Variants in MGMT observed in about 807,000 individuals in gnomAD.
MGMT encodes methylated-DNA--protein-cysteine methyltransferase.
MGMT carries 14 observed loss-of-function variants against 15.9 expected under a neutral mutation model. The ratio of observed to expected loss-of-function variants is 0.88; its 90% CI spans 0.58 to 1.37. The LOEUF (loss-of-function observed/expected upper bound fraction) is 1.37. Among genes scored for constraint, MGMT ranks in the 40% most tolerant of loss-of-function variants. MGMT has a pLI of 0.00. For synonymous variants in MGMT, 130 were observed against 118.2 expected (o/e 1.10, Z -0.65); for missense variants, 282 against 268.1 (o/e 1.05, Z -0.36).
At chr10:129,610,760 T>C (rs1038522011) in intron 2 of MGMT, among the ~76,000 whole-genome samples, 1 of 152,234 alleles carries the variant, frequency 6.6e-6, no homozygotes, top group Non-Finnish European at 1.5e-5. Flanking sequence ...AATATCTGGC[T>C]CATTAGGCAA....
chr10:129,562,238 G>T (rs1846289097), intron 2 of MGMT, among the ~76,000 whole-genome samples: 2 of 152,314 alleles, frequency 1.3e-5, no homozygotes, highest in Non-Finnish European at 2.9e-5. Context: ...TAAGCATCTT[G>T]TGAGTCTCTT....
At chr10:129,563,146 G>A (rs960493316) in intron 2 of MGMT, among the ~76,000 whole-genome samples, 57 of 152,216 alleles carry the variant, frequency 3.7e-4, no homozygotes, top group Non-Finnish European at 2.9e-5. Context: ...TATTGAATGT[G>A]TTTTCAGGGT....
chr10:129,611,788 G>A (rs868024976), intron 2 of MGMT, among the ~76,000 whole-genome samples: 4 of 152,204 alleles, frequency 2.6e-5, no homozygotes, highest in Admixed American at 2.0e-4. Flanking sequence ...CGAGAGCAGC[G>A]GTGAAGTATG....
chr10:129,496,396 G>C (rs1845521806), intron 1 of MGMT, among the ~76,000 whole-genome samples: 1 of 152,134 alleles, frequency 6.6e-6, no homozygotes, highest in South Asian at 2.1e-4. Context: ...CAAGCAGAGA[G>C]ACTACTTTTA....
intron 2 of MGMT, among the ~76,000 whole-genome samples, chr10:129,622,585 C>A (rs965337355): frequency 2.0e-5 from 3 of 152,212 alleles, no homozygotes; most frequent in Non-Finnish European, 4.4e-5. Flanking sequence ...CAGCAGACTT[C>A]AGTTATCAAT....
intron 2 of MGMT, among the ~76,000 whole-genome samples, chr10:129,575,724 C>CA (rs1454116845): frequency 6.6e-6 from 1 of 151,380 alleles, no homozygotes. Context: ...AAAAACCCTT[C>CA]AAAAAATCAA....
chr10:129,475,863 C>G (rs556189227), intron 1 of MGMT, among the ~76,000 whole-genome samples: 2 of 152,254 alleles, frequency 1.3e-5, no homozygotes, highest in Non-Finnish European at 2.9e-5. Flanking sequence ...GTTATCTACC[C>G]TCTTGGCCAT....
At chr10:129,522,669 G>A (rs1845826508) in intron 1 of MGMT, among the ~76,000 whole-genome samples, 1 of 152,214 alleles carries the variant, frequency 6.6e-6, no homozygotes, top group African/African-American at 2.4e-5. Context: ...TTCTTCACAT[G>A]GCTTCTTTGC....
intron 1 of MGMT, among the ~76,000 whole-genome samples, chr10:129,481,170 C>T (rs182902702): frequency 1.1e-4 from 17 of 152,316 alleles, no homozygotes; most frequent in Admixed American, 2.0e-4. Flanking sequence ...TGTCTTTCAC[C>T]GTGCGGTGTG....
At chr10:129,723,746 C>T (rs530357282) in intron 3 of MGMT, among the ~76,000 whole-genome samples, 34 of 152,262 alleles carry the variant, frequency 2.2e-4, no homozygotes, top group Non-Finnish European at 1.5e-4. Flanking sequence ...CGCAAAGACA[C>T]ATAATACACA....
intron 1 of MGMT, among the ~76,000 whole-genome samples, chr10:129,508,628 C>G (rs2119691406): frequency 6.6e-6 from 1 of 151,676 alleles, no homozygotes; most frequent in Non-Finnish European, 1.5e-5. Flanking sequence ...TCACTGCAAC[C>G]TCTGCCTCCC....
intron 2 of MGMT, among the ~76,000 whole-genome samples, chr10:129,693,380 AT>A: frequency 6.6e-6 from 1 of 152,174 alleles, no homozygotes; most frequent in Non-Finnish European, 1.5e-5. Flanking sequence ...TCAAACTGGA[AT>A]TTTCTTGAGC....
chr10:129,766,777 C>G lies in MGMT; in HGVS notation c.415-11C>G, dbSNP rs768821994. ...TCCCTGACTGACAGTGGCTGCCCCC[C>G]TGTCTTCCAGGTCCCCATCCTCATC... On this transcript the variant is annotated splice_polypyrimidine_tract_variant and intron_variant, in intron 4 of 4. Transcript: ENST00000651593. 24 of 1,609,390 alleles carry G rather than the reference C, an allele frequency of 1.5e-5. No individual in the cohort carries two copies. In the African/African-American group the frequency reaches 2.9e-4, roughly 20 times the overall value.
intron 1 of MGMT, among the ~76,000 whole-genome samples, chr10:129,534,138 A>AT (rs1398120093): frequency 2.6e-5 from 4 of 152,112 alleles, no homozygotes; most frequent in Non-Finnish European, 5.9e-5. Flanking sequence ...ACCAAGAGTG[A>AT]TTTTCTCACA....
chr10:129,568,823 T>C (rs992878642), intron 2 of MGMT, among the ~76,000 whole-genome samples: 2 of 152,086 alleles, frequency 1.3e-5, no homozygotes, highest in Non-Finnish European at 2.9e-5. Context: ...CAGCCACCAG[T>C]GCCCGCCATT....
At chr10:129,613,434 C>T (rs931585470) in intron 2 of MGMT, among the ~76,000 whole-genome samples, 1 of 152,136 alleles carries the variant, frequency 6.6e-6, no homozygotes, top group African/African-American at 2.4e-5. Context: ...CCCCTTTCCT[C>T]GAGTTTCTAG....
At chr10:129,678,841 G>T (rs1181835183) in intron 2 of MGMT, among the ~76,000 whole-genome samples, 1 of 152,124 alleles carries the variant, frequency 6.6e-6, no homozygotes, top group African/African-American at 2.4e-5. Context: ...GGAGGCCGAG[G>T]TGGGTAGATC....
chr10:129,493,488 T>C (rs1185120762), intron 1 of MGMT, among the ~76,000 whole-genome samples: 2 of 152,220 alleles, frequency 1.3e-5, no homozygotes, highest in Non-Finnish European at 2.9e-5. Context: ...CAATATCTAG[T>C]GCATCGTAGT....
intron 2 of MGMT, among the ~76,000 whole-genome samples, chr10:129,651,199 G>GCTCCTGCCCCGTAGC (rs1373537759): frequency 5.3e-5 from 8 of 152,294 alleles, no homozygotes; most frequent in African/African-American, 1.4e-4. Context: ...CGACCCGGAG[G>GCTCCTGCCCCGTAGC]CTCCTGCCCC....
Sources: allele counts gnomAD v4.1 joint callset (sites outside exome capture counted in the v4.1 genomes callset), GRCh38; gene constraint gnomAD v4.1.1; transcripts MANE v1.5; gene names NCBI Gene and HGNC (gene_info 2026-07-23, HGNC 2026-07-21).